The following NPAS3 variants were observed in gnomAD, a reference collection of about 807,000 sequenced individuals.
NPAS3 encodes the protein neuronal PAS domain protein 3.
In NPAS3, 14 loss-of-function variants were observed where a neutral mutation model predicts 73.1. The ratio of observed to expected loss-of-function variants is 0.19; its 90% CI spans 0.13 to 0.30. The LOEUF (loss-of-function observed/expected upper bound fraction) is 0.30, where lower values mean the gene tolerates loss of function less well. Among genes scored for constraint, NPAS3 ranks in the 10% least tolerant of loss-of-function variants. NPAS3 has a pLI of 1.00. For missense variants in NPAS3, 1,096 were observed against 1,250.0 expected, an observed-to-expected ratio of 0.88 and a Z score of 1.86; for synonymous variants, 620 against 541.5, an observed-to-expected ratio of 1.14 and a Z score of -2.01.
chr14:33,666,163 A>C (rs2140295798), intron 5 of NPAS3, among the ~76,000 whole-genome samples: 1 of 152,276 alleles, frequency 6.6e-6, no homozygotes, highest in South Asian at 2.1e-4. Context: ...TTAGGGCCTA[A>C]ATCAATCAAT....
At chr14:33,769,756 C>CT (rs916953785) in intron 7 of NPAS3, among the ~76,000 whole-genome samples, 3,019 of 81,478 alleles carry the variant, frequency 0.037, 635 homozygotes, top group African/African-American at 0.12. Flanking sequence ...TTTTTTTTTT[C>CT]TTTTTTTTTT....
At chr14:33,378,743 G>C (rs1056186548) in intron 4 of NPAS3, among the ~76,000 whole-genome samples, 1 of 152,186 alleles carries the variant, frequency 6.6e-6, no homozygotes, top group African/African-American at 2.4e-5. Flanking sequence ...TCAGAAATGG[G>C]GGAGGAGAAA....
At chr14:33,628,667 C>T (rs1045655059) in intron 5 of NPAS3, among the ~76,000 whole-genome samples, 1 of 152,158 alleles carries the variant, frequency 6.6e-6, no homozygotes, top group Admixed American at 6.5e-5. Context: ...TTGTAAGTGG[C>T]GGCTTGAAAG....
chr14:32,971,352 T>C (rs2037416360), intron 1 of NPAS3, among the ~76,000 whole-genome samples: 1 of 152,212 alleles, frequency 6.6e-6, no homozygotes, highest in Non-Finnish European at 1.5e-5. Context: ...CCCAAAGTGC[T>C]GGGATTACAG....
chr14:33,462,615 A>C (rs187030018), intron 4 of NPAS3, among the ~76,000 whole-genome samples: 29 of 152,224 alleles, frequency 1.9e-4, no homozygotes. Context: ...CCATTTTTTA[A>C]ACCACTCATA....
intron 6 of NPAS3, among the ~76,000 whole-genome samples, chr14:33,691,709 A>G (rs1243287444): frequency 6.6e-6 from 1 of 152,240 alleles, no homozygotes; most frequent in Non-Finnish European, 1.5e-5. Flanking sequence ...GTACACTTTC[A>G]TAGTAAGGCA....
intron 2 of NPAS3, among the ~76,000 whole-genome samples, chr14:33,068,279 C>G (rs1197246956): frequency 6.6e-6 from 1 of 152,194 alleles, no homozygotes; most frequent in Non-Finnish European, 1.5e-5. Flanking sequence ...GCCTTTCAGC[C>G]TCCCTATAAC....
chr14:33,037,934 G>T (rs1408227768), intron 1 of NPAS3, among the ~76,000 whole-genome samples: 2 of 152,100 alleles, frequency 1.3e-5, no homozygotes, highest in South Asian at 2.1e-4. Context: ...TGATACTTTG[G>T]ATTCAAAATC....
At chr14:33,066,132 T>A (rs1290733309) in intron 2 of NPAS3, among the ~76,000 whole-genome samples, 1 of 152,116 alleles carries the variant, frequency 6.6e-6, no homozygotes, top group Non-Finnish European at 1.5e-5. Context: ...AACTGCCTGA[T>A]GGCTCACAAG....
At chr14:33,648,216 A>G (rs956179215) in intron 5 of NPAS3, among the ~76,000 whole-genome samples, 1 of 152,236 alleles carries the variant, frequency 6.6e-6, no homozygotes, top group Non-Finnish European at 1.5e-5. Context: ...CTGTCTGCCC[A>G]CTACAGGAAC....
chr14:33,215,472 G>T, intron 3 of NPAS3, 46 bp downstream of exon 3: 1 of 1,602,078 alleles, frequency 6.2e-7, no homozygotes, highest in Non-Finnish European at 8.5e-7. Flanking sequence ...GGTCTGTAGG[G>T]GTCTGTAAGA....
At chr14:33,490,551 A>G (rs1271488280) in intron 4 of NPAS3, among the ~76,000 whole-genome samples, 1 of 151,994 alleles carries the variant, frequency 6.6e-6, no homozygotes, top group African/African-American at 2.4e-5. Flanking sequence ...ATTTCCATGG[A>G]GTTTTGGAGA....
chr14:33,717,214 T>G (rs903287681), intron 6 of NPAS3, among the ~76,000 whole-genome samples: 2 of 141,620 alleles, frequency 1.4e-5, no homozygotes, highest in African/African-American at 5.2e-5. Flanking sequence ...TTGGGCTTTT[T>G]CCATCTGATC....
intron 5 of NPAS3, among the ~76,000 whole-genome samples, chr14:33,661,689 A>G (rs2059312858): frequency 6.6e-6 from 1 of 152,246 alleles, no homozygotes; most frequent in Non-Finnish European, 1.5e-5. Flanking sequence ...CATGAATTAT[A>G]GTGCTCACAA....
At chr14:33,801,136 G>C (rs1176488253), downstream of NPAS3, 5 of 1,550,042 alleles carry the variant, frequency 3.2e-6, no homozygotes, top group African/African-American at 1.4e-5. Context: ...GGCCCGGCCA[G>C]GCCCCGCTTG....
chr14:33,797,411 T>C (rs540109413), intron 10 of NPAS3, 46 bp from the exon 11 acceptor site: 69 of 1,602,236 alleles, frequency 4.3e-5, no homozygotes, highest in Non-Finnish European at 5.3e-5. Flanking sequence ...AAACAAACCA[T>C]GCAGAATGGG....
chr14:33,531,153 C>T (rs1354292577), intron 4 of NPAS3, among the ~76,000 whole-genome samples: 1 of 152,032 alleles, frequency 6.6e-6, no homozygotes. Flanking sequence ...GGTACCAGAA[C>T]TCATACAGTC....
intron 8 of NPAS3, among the ~76,000 whole-genome samples, chr14:33,777,418 GTTTC>G (rs967567984): frequency 2.6e-5 from 4 of 151,862 alleles, no homozygotes; most frequent in Non-Finnish European, 5.9e-5. Context: ...TTTTAATTAT[GTTTC>G]TTTTTTTGTT....
chr14:33,022,362 A>C (rs1294395222), intron 1 of NPAS3, among the ~76,000 whole-genome samples: 1 of 152,126 alleles, frequency 6.6e-6, no homozygotes, highest in African/African-American at 2.4e-5. Context: ...ACATTCTTGG[A>C]GTTTAAAAAA....
Sources: gnomAD v4.1 joint callset for allele counts (sites outside exome capture counted in the v4.1 genomes callset) on GRCh38, gnomAD v4.1.1 for gene constraint, MANE v1.5 for transcripts, NCBI Gene and HGNC (gene_info 2026-07-23, HGNC 2026-07-21) for gene names.